The following PCDH9 variants were observed in gnomAD, a reference collection of about 807,000 sequenced individuals.
The protein encoded by PCDH9 is protocadherin-9.
PCDH9 carries 24 observed loss-of-function variants against 70.6 expected under a neutral mutation model. The ratio of observed to expected loss-of-function variants is 0.34; its 90% CI spans 0.25 to 0.48. The LOEUF (loss-of-function observed/expected upper bound fraction) is 0.48. PCDH9 is among the 20% of genes least tolerant of loss of function. PCDH9 has a pLI of 0.99. For synonymous variants in PCDH9, 562 were observed against 558.5 expected (o/e 1.01, Z -0.09); for missense variants, 1,281 against 1,503.6 (o/e 0.85, Z 2.45).
Position 67,168,868 on chromosome 13 carries a change from A to T in PCDH9, c.3036+56537T>A, listed in dbSNP as rs78737232. On this transcript the variant is annotated intron_variant, in intron 2 of 4. Transcript: ENST00000377865. ...ACATTTTAAATCCCTAATTTGAAAA[A>T]GTTCAACTTTTTCTGAATCTTACAG... 2.2e-3 allele frequency among the ~76,000 whole-genome samples: 336 copies of T among 152,316 alleles called. 5 individuals carry two copies. Among genetic ancestry groups the T allele is most frequent in the African/African-American group, 7.8e-3 (325 of 41,578 alleles).
intron 2 of PCDH9, among the ~76,000 whole-genome samples, chr13:67,022,790 T>C: frequency 6.6e-6 from 1 of 151,404 alleles, no homozygotes; most frequent in South Asian, 2.1e-4. Flanking sequence ...TGGTGTCCTC[T>C]CCGTTAGAGA....
chr13:66,658,384 C>A (rs183423890), intron 3 of PCDH9, among the ~76,000 whole-genome samples: 1 of 152,072 alleles, frequency 6.6e-6, no homozygotes, highest in African/African-American at 2.4e-5. Context: ...CTGTTCCAGT[C>A]TATTGCTTAA....
At chr13:67,141,956 A>G (rs754628714) in intron 2 of PCDH9, among the ~76,000 whole-genome samples, 38 of 151,932 alleles carry the variant, frequency 2.5e-4, no homozygotes, top group Admixed American at 4.6e-4. Context: ...CTTCTACACC[A>G]TTTATAAATA....
chr13:67,174,064 G>A (rs151242838), intron 2 of PCDH9, among the ~76,000 whole-genome samples: 2 of 151,858 alleles, frequency 1.3e-5, no homozygotes, highest in Non-Finnish European at 1.5e-5. Context: ...AAATTTTAAA[G>A]CATCTTTATT....
chr13:67,178,111 C>G (rs923891509), intron 2 of PCDH9, among the ~76,000 whole-genome samples: 1 of 152,076 alleles, frequency 6.6e-6, no homozygotes, highest in Non-Finnish European at 1.5e-5. Flanking sequence ...TTGTCCTTTT[C>G]TTCTCTACCT....
intron 2 of PCDH9, among the ~76,000 whole-genome samples, chr13:67,157,546 A>C (rs182163907): frequency 6.6e-6 from 1 of 152,340 alleles, no homozygotes; most frequent in Admixed American, 6.5e-5. Flanking sequence ...TGGCCTGTGC[A>C]GTGGGTGAAC....
intron 3 of PCDH9, among the ~76,000 whole-genome samples, chr13:66,642,486 T>C (rs1434976273): frequency 2.0e-5 from 3 of 152,022 alleles, no homozygotes; most frequent in African/African-American, 7.2e-5. Context: ...ATAAAGTATC[T>C]ATTCTGTTCT....
intron 2 of PCDH9, among the ~76,000 whole-genome samples, chr13:67,083,668 C>G (rs987364049): frequency 2.0e-5 from 3 of 152,114 alleles, no homozygotes; most frequent in African/African-American, 7.2e-5. Context: ...GCCTTAAGGC[C>G]TCCCTAAATG....
chr13:67,039,298 A>C (rs141082539), intron 2 of PCDH9, among the ~76,000 whole-genome samples: 3 of 152,288 alleles, frequency 2.0e-5, no homozygotes, highest in Middle Eastern at 3.4e-3. Flanking sequence ...GGCAGAACCT[A>C]AGTACCGGAC....
intron 3 of PCDH9, among the ~76,000 whole-genome samples, chr13:66,840,277 A>G: frequency 6.6e-6 from 1 of 152,232 alleles, no homozygotes; most frequent in Non-Finnish European, 1.5e-5. Flanking sequence ...TTTCTTTTCA[A>G]AGCAAAAACT....
At chr13:67,200,381 C>A (rs536950698) in intron 2 of PCDH9, among the ~76,000 whole-genome samples, 60 of 152,032 alleles carry the variant, frequency 3.9e-4, no homozygotes, top group Non-Finnish European at 6.8e-4. Context: ...TGTGTCCCAG[C>A]AGGTTTAATA....
intron 3 of PCDH9, among the ~76,000 whole-genome samples, chr13:66,884,783 T>C (rs2081980884): frequency 1.3e-5 from 2 of 152,190 alleles, no homozygotes; most frequent in Admixed American, 1.3e-4. Flanking sequence ...ATCTTCTTTT[T>C]CATCTCCCAA....
intron 3 of PCDH9, among the ~76,000 whole-genome samples, chr13:66,863,529 C>T (rs1453740722): frequency 6.6e-6 from 1 of 152,068 alleles, no homozygotes; most frequent in Non-Finnish European, 1.5e-5. Context: ...CTCTGTCGCC[C>T]ACCTGGAGTG....
At chr13:67,189,259 G>A (rs1194867288) in intron 2 of PCDH9, among the ~76,000 whole-genome samples, 4 of 151,630 alleles carry the variant, frequency 2.6e-5, no homozygotes, top group Non-Finnish European at 4.4e-5. Context: ...TCCACTCATT[G>A]ATTGGTGGAC....
chr13:66,991,057 G>C (rs913145598), intron 2 of PCDH9: 1 of 151,834 alleles, frequency 6.6e-6, no homozygotes, highest in Non-Finnish European at 1.5e-5. Flanking sequence ...ATACGTCCTT[G>C]ACTCCAACTT....
At chr13:66,681,969 T>TATATATATATATATATATATATA (rs1184051895) in intron 3 of PCDH9, among the ~76,000 whole-genome samples, 1 of 52,472 alleles carries the variant, frequency 1.9e-5, no homozygotes, top group Non-Finnish European at 4.0e-5. Context: ...ATATATATAT[T>TATATATATATATATATATATATA]TGAGAGATTT....
intron 4 of PCDH9, among the ~76,000 whole-genome samples, chr13:66,483,279 A>T (rs1051968509): frequency 6.6e-6 from 1 of 152,234 alleles, no homozygotes; most frequent in African/African-American, 2.4e-5. Context: ...TATAGGAAAC[A>T]AGCATATACT....
At chr13:66,434,503 G>T (rs1233043181) in intron 4 of PCDH9, among the ~76,000 whole-genome samples, 1 of 152,088 alleles carries the variant, frequency 6.6e-6, no homozygotes, top group Admixed American at 6.6e-5. Flanking sequence ...GGATATCCCT[G>T]TTGTGTTCAC....
At chr13:67,080,401 A>G (rs1386427202) in intron 2 of PCDH9, among the ~76,000 whole-genome samples, 1 of 152,176 alleles carries the variant, frequency 6.6e-6, no homozygotes, top group African/African-American at 2.4e-5. Context: ...CAGAACACCA[A>G]CTTTGGAGAT....
Sources: gnomAD v4.1 joint callset for allele counts (sites outside exome capture counted in the v4.1 genomes callset) on GRCh38, gnomAD v4.1.1 for gene constraint, MANE v1.5 for transcripts, NCBI Gene and HGNC (gene_info 2026-07-23, HGNC 2026-07-21) for gene names.